Variants in ELAVL2 observed in about 807,000 individuals in gnomAD.
The protein encoded by ELAVL2 is ELAV like RNA binding protein 2, also known as ELAV-like protein 2.
Under a neutral mutation model 34.6 loss-of-function variants are expected in ELAVL2, and 4 were observed. The ratio of observed to expected loss-of-function variants is 0.12; its 90% CI spans 0.06 to 0.26. ELAVL2 has a LOEUF of 0.26. Among genes scored for constraint, ELAVL2 ranks in the 10% least tolerant of loss-of-function variants. The pLI is 1.00. For missense variants in ELAVL2, 432 were observed against 442.8 expected (o/e 0.98, Z 0.22); for synonymous variants, 193 against 154.8 (o/e 1.25, Z -1.83).
At chr9:23,809,292 G>T (rs2062659587) in intron 1 of ELAVL2, among the ~76,000 whole-genome samples, 1 of 152,044 alleles carries the variant, frequency 6.6e-6, no homozygotes, top group Non-Finnish European at 1.5e-5. Context: ...TATACTCTAG[G>T]AAGAGTAAAA....
Position 23,762,346 on chromosome 9 carries a change from C to G in ELAVL2, c.-15-97G>C, listed in dbSNP as rs376665516. ...TAAACACTTGTCACTAAACACAAGT[C>G]GTTCTAATGAAATTACAACAATGCT... On this transcript the variant is annotated intron_variant, in intron 1 of 6. Coordinates refer to ENST00000397312, the MANE Select transcript of ELAVL2 (RefSeq NM_004432.5). 2.5e-5 allele frequency: 37 copies of G among 1,464,238 alleles called. No homozygotes were observed. The East Asian group carries it at 3.4e-4, about 14-fold the overall frequency. 90.7% of individuals were successfully genotyped at this position (1,464,238 alleles called of 1,614,324 possible). A position where few individuals can be genotyped will look rare whatever the true frequency, so the allele number is the denominator to read the frequency against.
intron 3 of ELAVL2, among the ~76,000 whole-genome samples, chr9:23,722,707 T>A (rs1273146636): frequency 6.6e-6 from 1 of 152,256 alleles, no homozygotes; most frequent in African/African-American, 2.4e-5. Context: ...CTGATGCTTA[T>A]TAGCTATTTC....
intron 1 of ELAVL2, chr9:23,783,452 A>T (rs886661887): frequency 1.0e-5 from 10 of 985,288 alleles, no homozygotes; most frequent in African/African-American, 8.7e-5. Flanking sequence ...GCACAACTAC[A>T]AAGTGGCCAT....
intron 1 of ELAVL2, among the ~76,000 whole-genome samples, chr9:23,765,753 T>A (rs185753285): frequency 6.6e-6 from 1 of 152,166 alleles, no homozygotes; most frequent in Non-Finnish European, 1.5e-5. Flanking sequence ...ATTGAAATAA[T>A]TGGACCGATA....
chr9:23,749,269 G>C (rs1220191655), intron 2 of ELAVL2, among the ~76,000 whole-genome samples: 7 of 151,914 alleles, frequency 4.6e-5, no homozygotes, highest in Admixed American at 1.3e-4. Context: ...CACAATCCAG[G>C]ATTAGTTAAC....
chr9:23,820,923 G>T (rs564437837), intron 1 of ELAVL2, among the ~76,000 whole-genome samples: 95 of 152,292 alleles, frequency 6.2e-4, no homozygotes, highest in South Asian at 1.9e-3. Flanking sequence ...GCGCGGCTGC[G>T]ACGGGCCTCA....
chr9:23,820,043 A>C (rs1023964413), intron 1 of ELAVL2, among the ~76,000 whole-genome samples: 6 of 152,058 alleles, frequency 3.9e-5, no homozygotes, highest in African/African-American at 9.7e-5. Flanking sequence ...AAGGTTACTA[A>C]GACAAGGTAG....
chr9:23,757,204 T>G (rs2053770586), intron 2 of ELAVL2, among the ~76,000 whole-genome samples: 1 of 152,148 alleles, frequency 6.6e-6, no homozygotes, highest in Non-Finnish European at 1.5e-5. Flanking sequence ...TCAAAAACCT[T>G]CCATTCTCCT....
In ELAVL2 at chr9:23,692,501, T is replaced by A. The variant is rs571492104; in HGVS notation, c.*56A>T. 1.4e-3 allele frequency: 2,198 copies of A among 1,522,492 alleles called. 2 individuals carry two copies. The highest frequency in any genetic ancestry group is 1.8e-3 in the Non-Finnish European group (1,982 of 1,131,866). 94.3% of individuals were successfully genotyped at this position (1,522,492 alleles called of 1,614,324 possible). A position where few individuals can be genotyped will look rare whatever the true frequency, so the allele number is the denominator to read the frequency against. On this transcript the variant is annotated 3_prime_UTR_variant, in exon 7 of 7. Coordinates refer to ENST00000397312, the MANE Select transcript of ELAVL2 (RefSeq NM_004432.5). ...ATTTACTAATGTATAAAGTTTCTCT[T>A]AACTTGCCTTTGTTGTATAGTTTTC...
At chr9:23,716,599 C>T (rs1403266168) in intron 3 of ELAVL2, among the ~76,000 whole-genome samples, 1 of 152,174 alleles carries the variant, frequency 6.6e-6, no homozygotes, top group Non-Finnish European at 1.5e-5. Context: ...TAGACAGAAG[C>T]TTCCTCATGC....
chr9:23,718,202 T>C (rs2042793068), intron 3 of ELAVL2, among the ~76,000 whole-genome samples: 1 of 152,062 alleles, frequency 6.6e-6, no homozygotes, highest in Admixed American at 6.6e-5. Flanking sequence ...CAGAGAAAAA[T>C]TCCTAACAAA....
At chr9:23,809,129 G>A (rs559879168) in intron 1 of ELAVL2, among the ~76,000 whole-genome samples, 79 of 152,218 alleles carry the variant, frequency 5.2e-4, no homozygotes, top group African/African-American at 1.8e-3. Context: ...TAACCAGTAC[G>A]GAGCAGCCTT....
At chr9:23,749,507 G>C (rs2051349884) in intron 2 of ELAVL2, among the ~76,000 whole-genome samples, 1 of 150,224 alleles carries the variant, frequency 6.7e-6, no homozygotes, top group Non-Finnish European at 1.5e-5. Context: ...TTAGTTTAGA[G>C]ACACTTCCCA....
intron 1 of ELAVL2, among the ~76,000 whole-genome samples, chr9:23,796,218 T>A (rs2060906555): frequency 6.6e-6 from 1 of 152,208 alleles, no homozygotes; most frequent in Admixed American, 6.5e-5. Flanking sequence ...CAAGCCCTGG[T>A]TATGGGGCTT....
At chr9:23,849,876 A>T in the ELAVL2 span, 4 of 152,084 alleles carry the variant, frequency 2.6e-5, no homozygotes, top group Admixed American at 2.0e-4. Context: ...ACGAGAAGAA[A>T]TGGTAATTTT....
intron 1 of ELAVL2, among the ~76,000 whole-genome samples, chr9:23,773,855 CA>C (rs1446159761): frequency 6.6e-6 from 1 of 152,018 alleles, no homozygotes; most frequent in Non-Finnish European, 1.5e-5. Context: ...GCCAAGTGAA[CA>C]GAGGGTATTA....
At chr9:23,784,145 C>A (rs1278472957) in intron 1 of ELAVL2, among the ~76,000 whole-genome samples, 1 of 151,792 alleles carries the variant, frequency 6.6e-6, no homozygotes, top group East Asian at 1.9e-4. Flanking sequence ...TTGCTGTGAG[C>A]CGAGATTGCG....
chr9:23,822,465 T>C (rs1199002015), intron 1 of ELAVL2, among the ~76,000 whole-genome samples: 1 of 152,002 alleles, frequency 6.6e-6, no homozygotes, highest in East Asian at 2.0e-4. Flanking sequence ...GCCCCCCAAC[T>C]CAAGACCCGA....
upstream of ELAVL2, among the ~76,000 whole-genome samples, chr9:23,828,107 A>G (rs1564621888): frequency 6.6e-6 from 1 of 152,128 alleles, no homozygotes; most frequent in Non-Finnish European, 1.5e-5. Flanking sequence ...ACTCCACCCC[A>G]TCTAGACTAG....
Sources: allele counts gnomAD v4.1 joint callset (sites outside exome capture counted in the v4.1 genomes callset), GRCh38; gene constraint gnomAD v4.1.1; transcripts MANE v1.5; gene names NCBI Gene and HGNC (gene_info 2026-07-23, HGNC 2026-07-21).